The following PRTG variants were observed in gnomAD, a reference collection of about 807,000 sequenced individuals.
The protein encoded by PRTG is immunoglobulin superfamily, DCC subclass, member 5.
A neutral mutation model predicts 122.5 loss-of-function variants in PRTG; 67 were observed. The ratio of observed to expected loss-of-function variants is 0.55; its 90% confidence interval spans 0.45 to 0.67. The LOEUF is 0.67. Ranked by LOEUF, PRTG falls within the 30% of genes least tolerant of loss-of-function variation. The pLI, the probability that PRTG is intolerant of heterozygous loss-of-function variation, is 0.00. For synonymous variants in PRTG, 554 were observed against 501.1 expected (o/e 1.11, Z -1.41); for missense variants, 1,435 against 1,415.4 (o/e 1.01, Z -0.22).
intron 11 of PRTG, among the ~76,000 whole-genome samples, chr15:55,661,217 T>C (rs2059407811): frequency 6.6e-6 from 1 of 152,164 alleles, no homozygotes; most frequent in African/African-American, 2.4e-5. Context: ...GGATATTCCC[T>C]GAGTACAAGA....
Position 55,656,010 on chromosome 15 carries a change from T to C in PRTG, c.2042-14802A>G, listed in dbSNP as rs937488543. The C allele has an allele frequency of 3.1e-5, 5 of 159,196 alleles. No individual in the cohort carries two copies. In the East Asian group the frequency reaches 5.6e-4, roughly 18 times the overall value. The allele number at this position is 159,196 out of a possible 1,614,324, so 9.9% of individuals were successfully genotyped here. A position where few individuals can be genotyped will look rare whatever the true frequency, so the allele number is the denominator to read the frequency against. ...GTACTTATACACATCTTTCCTTTTA[T>C]TGAATCATGACACTTCACATCACAC... On this transcript the variant is annotated intron_variant, in intron 11 of 19. Transcript: ENST00000389286.
At chr15:55,628,168 C>G (rs1291028278) in intron 16 of PRTG, among the ~76,000 whole-genome samples, 1 of 152,090 alleles carries the variant, frequency 6.6e-6, no homozygotes, top group Non-Finnish European at 1.5e-5. Context: ...AGCTACGAGC[C>G]CTTAATCCTG....
intron 11 of PRTG, among the ~76,000 whole-genome samples, chr15:55,654,184 C>A (rs7166952): frequency 0.68 from 104,107 of 152,046 alleles, 36,037 homozygotes; most frequent in Middle Eastern, 0.76. Flanking sequence ...TCACTGGCCC[C>A]ATTTGGTAAG....
At chr15:55,739,797 G>A (rs1334107625) in intron 2 of PRTG, among the ~76,000 whole-genome samples, 1 of 152,180 alleles carries the variant, frequency 6.6e-6, no homozygotes, top group Non-Finnish European at 1.5e-5. Context: ...ATGGGTTTAA[G>A]TCCATTAGGC....
At chr15:55,682,523 C>G in intron 3 of PRTG, 26 bp from the exon 4 acceptor site, 1 of 1,242,448 alleles carries the variant, frequency 8.0e-7, no homozygotes, top group Non-Finnish European at 1.1e-6. Flanking sequence ...GATAATTAAA[C>G]TTTTTGTAGT....
chr15:55,658,530 C>T (rs2059392789), intron 11 of PRTG, among the ~76,000 whole-genome samples: 1 of 152,106 alleles, frequency 6.6e-6, no homozygotes, highest in Admixed American at 6.6e-5. Context: ...GTTGGCCAGG[C>T]TGGTCTTGAA....
In PRTG at chr15:55,679,277, A is replaced by G; in HGVS notation, c.1133+9T>C. On this transcript the variant is annotated intron_variant, in intron 7 of 19. Coordinates refer to ENST00000389286, the MANE Select transcript of PRTG (RefSeq NM_173814.6). ...ATATATAAAATGGTAGCAAAGTTAC[A>G]CAGCCTACCTGTTGTACATTTTAAT... 1 of 1,594,326 alleles carries G rather than the reference A, an allele frequency of 6.3e-7. No homozygotes were observed. Among genetic ancestry groups the G allele is most frequent in the South Asian group, 1.1e-5 (1 of 89,684 alleles).
chr15:55,689,605 T>G (rs2059589051), intron 2 of PRTG, among the ~76,000 whole-genome samples: 1 of 147,636 alleles, frequency 6.8e-6, no homozygotes, highest in Non-Finnish European at 1.5e-5. Context: ...ACCTACACGT[T>G]GTGCACATGT....
Position 55,715,954 on chromosome 15 carries a change from C to T in PRTG, c.397+24428G>A, listed in dbSNP as rs537074020. On this transcript the variant is annotated intron_variant, in intron 2 of 19. Transcript: ENST00000389286. ...AGACTATTCAATAAAACTATTAAAA[C>T]GCCCAACACTTGTCTACATTAGCTC... Among the ~76,000 whole-genome samples the T allele has an allele frequency of 7.6e-4, 115 of 152,282 alleles. 1 individual carries two copies. Among genetic ancestry groups the T allele is most frequent in the Admixed American group, 7.3e-3 (111 of 15,296 alleles).
At position 55,680,460 on chromosome 15, in the gene PRTG, G is replaced by C. The variant is rs768457897; in HGVS notation, c.814+31C>G. 12 of 1,506,438 alleles carry C rather than the reference G, an allele frequency of 8.0e-6. No individual in the cohort carries two copies. In the African/African-American group the frequency reaches 1.3e-4, roughly 16 times the overall value. The allele number at this position is 1,506,438 out of a possible 1,614,324, so 93.3% of individuals were successfully genotyped here. On this transcript the variant is annotated intron_variant, in intron 5 of 19. Coordinates refer to ENST00000389286, the MANE Select transcript of PRTG (RefSeq NM_173814.6). ...TAGAATGAACAAAATTTAAGGAAAAGACTTTTTTTTTTTTTCCTGAGAAGA... is the reference window on the plus strand; with the variant it reads ...TAGAATGAACAAAATTTAAGGAAAACACTTTTTTTTTTTTTCCTGAGAAGA...
At chr15:55,699,790 T>G (rs879530615) in intron 2 of PRTG, among the ~76,000 whole-genome samples, 3 of 152,178 alleles carry the variant, frequency 2.0e-5, no homozygotes, top group African/African-American at 4.8e-5. Flanking sequence ...CAGAGAACCC[T>G]TCATCCAGGA....
At chr15:55,692,091 T>C (rs2059606271) in intron 2 of PRTG, among the ~76,000 whole-genome samples, 1 of 152,166 alleles carries the variant, frequency 6.6e-6, no homozygotes, top group African/African-American at 2.4e-5. Context: ...AACTCAGTTA[T>C]ACTACCTCAA....
chr15:55,733,599 G>A (rs1301802228), intron 2 of PRTG, among the ~76,000 whole-genome samples: 1 of 151,972 alleles, frequency 6.6e-6, no homozygotes, highest in Non-Finnish European at 1.5e-5. Context: ...AACCAAGGTG[G>A]GAGGAATGCT....
At chr15:55,642,056 C>T (rs2059293836) in intron 11 of PRTG, among the ~76,000 whole-genome samples, 1 of 150,296 alleles carries the variant, frequency 6.7e-6, no homozygotes, top group African/African-American at 2.5e-5. Flanking sequence ...CGCCTGTAGT[C>T]CCAGCTACTC....
chr15:55,725,200 C>T (rs1416120057), intron 2 of PRTG, among the ~76,000 whole-genome samples: 4 of 152,090 alleles, frequency 2.6e-5, no homozygotes, highest in African/African-American at 9.7e-5. Flanking sequence ...AATTCGCATA[C>T]TACTGCAAAT....
At chr15:55,702,431 T>C (rs746536446) in intron 2 of PRTG, among the ~76,000 whole-genome samples, 35 of 152,200 alleles carry the variant, frequency 2.3e-4, no homozygotes, top group African/African-American at 4.3e-4. Flanking sequence ...AGGCAGTCAA[T>C]AGACATCTGA....
At chr15:55,689,534 T>TA (rs2059588651) in intron 2 of PRTG, among the ~76,000 whole-genome samples, 1 of 151,528 alleles carries the variant, frequency 6.6e-6, no homozygotes, top group African/African-American at 2.4e-5. Flanking sequence ...ATACCTAATG[T>TA]AAATTATGAG....
chr15:55,711,572 A>G (rs915115400), intron 2 of PRTG, among the ~76,000 whole-genome samples: 8 of 152,054 alleles, frequency 5.3e-5, no homozygotes, highest in African/African-American at 1.7e-4. Flanking sequence ...AGACATGTGA[A>G]CAAACTCAGG....
intron 11 of PRTG, chr15:55,656,421 G>A (rs780744871): frequency 6.9e-6 from 3 of 433,006 alleles, no homozygotes; most frequent in Non-Finnish European, 1.4e-5. Context: ...ACTTTATAAA[G>A]GAAAATAAAA....
Sources: gnomAD v4.1 joint callset for allele counts (sites outside exome capture counted in the v4.1 genomes callset) on GRCh38, gnomAD v4.1.1 for gene constraint, MANE v1.5 for transcripts, NCBI Gene and HGNC (gene_info 2026-07-23, HGNC 2026-07-21) for gene names.